The following GRIK1 variants were observed in gnomAD, a reference collection of about 807,000 sequenced individuals.
The protein encoded by GRIK1 is glutamate receptor ionotropic, kainate 1.
Under a neutral mutation model 105.7 loss-of-function variants are expected in GRIK1, and 69 were observed. That is an observed-to-expected ratio of 0.65 (90% CI 0.54 to 0.80). GRIK1 has a LOEUF of 0.80. GRIK1 is among the 30% of genes least tolerant of loss of function. The pLI, the probability that GRIK1 is intolerant of heterozygous loss-of-function variation, is 0.00. For missense variants in GRIK1, 1,109 were observed against 1,167.3 expected, an observed-to-expected ratio of 0.95 and a Z score of 0.73; for synonymous variants, 438 against 431.3, an observed-to-expected ratio of 1.02 and a Z score of -0.19.
At chr21:29,693,301 C>T (rs563416352) in intron 2 of GRIK1, among the ~76,000 whole-genome samples, 6 of 152,272 alleles carry the variant, frequency 3.9e-5, no homozygotes, top group African/African-American at 1.2e-4. Context: ...ATGAGAGAAA[C>T]CTTGCAGCCA....
chr21:29,577,887 T>C (rs2090933231), intron 13 of GRIK1, among the ~76,000 whole-genome samples: 1 of 152,210 alleles, frequency 6.6e-6, no homozygotes, highest in Admixed American at 6.6e-5. Flanking sequence ...AAGAAGACTT[T>C]CCTGGTAAGA....
chr21:29,849,460 G>C (rs2068237094), intron 1 of GRIK1, among the ~76,000 whole-genome samples: 1 of 152,166 alleles, frequency 6.6e-6, no homozygotes, highest in South Asian at 2.1e-4. Context: ...AATCCTCTAA[G>C]TCATTGTAGT....
intron 16 of GRIK1, among the ~76,000 whole-genome samples, chr21:29,544,633 G>A (rs2090022763): frequency 6.6e-6 from 1 of 152,158 alleles, no homozygotes; most frequent in Non-Finnish European, 1.5e-5. Flanking sequence ...ATGGACTTTT[G>A]TGGATCTGTA....
At chr21:29,690,553 T>C (rs1156785522) in intron 2 of GRIK1, among the ~76,000 whole-genome samples, 1 of 152,214 alleles carries the variant, frequency 6.6e-6, no homozygotes, top group African/African-American at 2.4e-5. Context: ...AATAATGAAA[T>C]AGCATAGCTT....
intron 1 of GRIK1, among the ~76,000 whole-genome samples, chr21:29,832,619 T>C (rs1370077558): frequency 6.6e-6 from 1 of 152,134 alleles, no homozygotes; most frequent in Non-Finnish European, 1.5e-5. Context: ...CTTTTAGCCA[T>C]GGCTGGAGCT....
chr21:29,859,394 TAAA>T (rs1197069733), intron 1 of GRIK1, among the ~76,000 whole-genome samples: 1 of 133,788 alleles, frequency 7.5e-6, no homozygotes. Context: ...TAAAATGAAA[TAAA>T]AAAACAAAAA....
intron 5 of GRIK1, among the ~76,000 whole-genome samples, chr21:29,654,352 C>T (rs930231987): frequency 6.6e-6 from 1 of 152,204 alleles, no homozygotes; most frequent in African/African-American, 2.4e-5. Context: ...ATCTCCAAAA[C>T]TCCCCTTTCT....
chr21:29,920,138 G>C (rs1434195774), intron 1 of GRIK1, among the ~76,000 whole-genome samples: 2 of 151,436 alleles, frequency 1.3e-5, no homozygotes, highest in African/African-American at 4.9e-5. Flanking sequence ...TCTCTCAGGG[G>C]ATAATAAGAA....
At chr21:29,778,966 G>A (rs1394341085) in intron 1 of GRIK1, among the ~76,000 whole-genome samples, 1 of 152,118 alleles carries the variant, frequency 6.6e-6, no homozygotes, top group Non-Finnish European at 1.5e-5. Context: ...AATATTTTAA[G>A]GTCCTCTTCC....
At chr21:29,800,854 G>A (rs933402362) in intron 1 of GRIK1, among the ~76,000 whole-genome samples, 1 of 152,150 alleles carries the variant, frequency 6.6e-6, no homozygotes, top group African/African-American at 2.4e-5. Flanking sequence ...GGAGAAAGAG[G>A]ATCCATGGTC....
chr21:29,576,988 A>G lies in GRIK1; in HGVS notation c.2106T>C (p.Asp702=), dbSNP rs376748572. Residue 702 remains aspartate, a synonymous_variant, in exon 14 of 18, where the codon GAT becomes GAC. Coordinates refer to ENST00000327783, the MANE Select transcript of GRIK1 (RefSeq NM_001330994.2). The stretch of plus-strand genomic sequence containing the variant: ...CCTTGAAGAAGGTCATTGTTGATCC[A>G]TCTCTAACCGCCCCATATTCTATCT... ...QTKIEYGAVR[D]GSTMTFFKKS... 1.9e-6 allele frequency: 3 copies of G among 1,610,376 alleles called. No individual in the cohort carries two copies. Among genetic ancestry groups the G allele is most frequent in the East Asian group, 2.2e-5 (1 of 44,860 alleles).
chr21:29,691,114 C>T (rs909596829), intron 2 of GRIK1, among the ~76,000 whole-genome samples: 1 of 151,784 alleles, frequency 6.6e-6, no homozygotes, highest in Non-Finnish European at 1.5e-5. Context: ...AGTTCGAGAC[C>T]TGCCTGGCCA....
intron 1 of GRIK1, among the ~76,000 whole-genome samples, chr21:29,721,093 C>T (rs1007904236): frequency 1.3e-5 from 2 of 152,092 alleles, no homozygotes; most frequent in African/African-American, 4.8e-5. Context: ...TTACATCCCC[C>T]TCCCCTCTCC....
At chr21:29,832,362 T>A (rs1403254650) in intron 1 of GRIK1, among the ~76,000 whole-genome samples, 2 of 152,274 alleles carry the variant, frequency 1.3e-5, no homozygotes, top group South Asian at 2.1e-4. Context: ...GGACTCTGTG[T>A]ATGGGCTGCA....
intron 1 of GRIK1, among the ~76,000 whole-genome samples, chr21:29,804,519 A>G (rs2066806558): frequency 6.6e-6 from 1 of 152,200 alleles, no homozygotes; most frequent in Non-Finnish European, 1.5e-5. Context: ...CAATGAATAT[A>G]GAAGAAGCTG....
In GRIK1 at chr21:29,550,107, CAAA is replaced by C. The variant is rs34939329; in HGVS notation, c.2607+4942_2607+4944del. ...TGGGCGACAGAGAAAGACTCCATCT[CAAA>C]AAAAAAAAAAAAAAAAAAAAAAAAA... On this transcript the variant is annotated intron_variant, in intron 16 of 17. Coordinates refer to ENST00000327783, the MANE Select transcript of GRIK1 (RefSeq NM_001330994.2). Among the ~76,000 whole-genome samples the C allele has an allele frequency of 2.7e-3, 142 of 53,450 alleles. 1 individual carries two copies. The highest frequency in any genetic ancestry group is 0.012 in the African/African-American group (136 of 11,716). The allele number at this position is 53,450 out of a possible 152,430, so 35.1% of individuals were successfully genotyped here. A position where few individuals can be genotyped will look rare whatever the true frequency, so the allele number is the denominator to read the frequency against.
At chr21:29,730,320 A>G (rs548502295) in intron 1 of GRIK1, among the ~76,000 whole-genome samples, 2 of 152,204 alleles carry the variant, frequency 1.3e-5, no homozygotes, top group East Asian at 3.8e-4. Flanking sequence ...AGAGGTAGGT[A>G]TTTTAGAATA....
At chr21:29,704,982 A>G (rs796446198) in intron 1 of GRIK1, among the ~76,000 whole-genome samples, 5 of 152,338 alleles carry the variant, frequency 3.3e-5, no homozygotes, top group African/African-American at 1.2e-4. Flanking sequence ...TTAACATCTC[A>G]TTTAAATGAC....
At chr21:29,720,928 G>T (rs916095240) in intron 1 of GRIK1, among the ~76,000 whole-genome samples, 3 of 152,136 alleles carry the variant, frequency 2.0e-5, no homozygotes, top group Admixed American at 6.5e-5. Flanking sequence ...CTCTCCCTGA[G>T]AATCTCATTA....
Sources: gnomAD v4.1 joint callset for allele counts (sites outside exome capture counted in the v4.1 genomes callset) on GRCh38, gnomAD v4.1.1 for gene constraint, MANE v1.5 for transcripts, NCBI Gene and HGNC (gene_info 2026-07-23, HGNC 2026-07-21) for gene names.